Variants in TFCP2L1 observed in about 807,000 individuals in gnomAD.
TFCP2L1 encodes the protein transcription factor CP2-like protein 1.
Under a neutral mutation model 72.2 loss-of-function variants are expected in TFCP2L1, and 12 were observed. The observed-to-expected ratio is 0.17, with a 90% CI of 0.11 to 0.27. The LOEUF is 0.27. TFCP2L1 is among the 10% of genes least tolerant of loss of function. The pLI is 1.00. For missense variants in TFCP2L1, 488 were observed against 624.6 expected (o/e 0.78, Z 2.33); for synonymous variants, 260 against 251.0 (o/e 1.04, Z -0.34).
chr2:121,276,027 A>G (rs1687140253), intron 2 of TFCP2L1, among the ~76,000 whole-genome samples: 1 of 152,264 alleles, frequency 6.6e-6, no homozygotes, highest in African/African-American at 2.4e-5. Flanking sequence ...TCAGCAGCAC[A>G]GGACAAGTCT....
rs774085211 is a variant in TFCP2L1, at chr2:121,249,665, G to A, written c.215-18C>T. ...AGACTGACCTGGATGGGGGTTAAAA[G>A]GACATTTTCCATTTCTGAGTATTTC... On this transcript the variant is annotated intron_variant, in intron 2 of 14. Coordinates refer to ENST00000263707, the MANE Select transcript of TFCP2L1 (RefSeq NM_014553.3). The A allele has an allele frequency of 2.5e-6, 4 of 1,613,518 alleles. No individual in the cohort carries two copies. Among genetic ancestry groups the A allele is most frequent in the Non-Finnish European group, 3.4e-6 (4 of 1,179,448 alleles).
At chr2:121,274,061 T>G (rs1304304433) in intron 2 of TFCP2L1, among the ~76,000 whole-genome samples, 1 of 136,772 alleles carries the variant, frequency 7.3e-6, no homozygotes, top group East Asian at 2.1e-4. Flanking sequence ...ACCACTGCAA[T>G]CCAGCCTGGG....
intron 2 of TFCP2L1, among the ~76,000 whole-genome samples, chr2:121,265,478 C>A (rs1389083438): frequency 6.6e-6 from 1 of 151,746 alleles, no homozygotes; most frequent in African/African-American, 2.4e-5. Context: ...AATCATATCA[C>A]AATAAAGCTT....
At chr2:121,235,905 C>T (rs1686239699) in intron 10 of TFCP2L1, among the ~76,000 whole-genome samples, 2 of 152,046 alleles carry the variant, frequency 1.3e-5, no homozygotes, top group African/African-American at 4.8e-5. Context: ...GTAGGCCCCT[C>T]GTACCAGCCA....
Position 121,249,577 on chromosome 2 carries a change from A to G in TFCP2L1, c.285T>C (p.Tyr95=). The change falls in exon 3 of 15, where the codon TAT becomes TAC. Residue 95 remains tyrosine (Y), a synonymous_variant. Coordinates refer to ENST00000263707, the MANE Select transcript of TFCP2L1 (RefSeq NM_014553.3). Reference sequence around the variant, plus strand: ...AACAGCCTGTGAGGCTTACCTTGACATATTTTGTGTTCAGATCTTGAAAGT... The same window carrying G: ...AACAGCCTGTGAGGCTTACCTTGACGTATTTTGTGTTCAGATCTTGAAAGT... ...LGDFQDLNTK[Y]VKSIIRVVFH... 3.7e-6 allele frequency: 6 copies of G among 1,614,138 alleles called. No individual in the cohort carries two copies. Among genetic ancestry groups the G allele is most frequent in the African/African-American group, 2.7e-5 (2 of 75,018 alleles).
chr2:121,225,934 A>G (rs1366977528), intron 13 of TFCP2L1, among the ~76,000 whole-genome samples: 1 of 149,498 alleles, frequency 6.7e-6, no homozygotes, highest in Non-Finnish European at 1.5e-5. Context: ...CACCACTGCC[A>G]CGGTGTCTAC....
At chr2:121,225,174 C>T (rs1409658585) in intron 14 of TFCP2L1, among the ~76,000 whole-genome samples, 1 of 152,108 alleles carries the variant, frequency 6.6e-6, no homozygotes, top group Non-Finnish European at 1.5e-5. Context: ...ATGTTCTTGG[C>T]CCACAGGCTC....
rs1234523398 is a variant in TFCP2L1, at chr2:121,265,818, C to T, written c.214+15302G>A. Among the ~76,000 whole-genome samples, 5 of 151,652 alleles carry T rather than the reference C, an allele frequency of 3.3e-5. No individual in the cohort carries two copies. In the East Asian group the frequency reaches 5.9e-4, roughly 18 times the overall value. The stretch of plus-strand genomic sequence containing the variant: ...TCCTTTAAAACAAAACACAAAACAC[C>T]TTCCTCATTCAGAGCAGACTCTGTA... On this transcript the variant is annotated intron_variant, in intron 2 of 14. Coordinates refer to ENST00000263707, the MANE Select transcript of TFCP2L1 (RefSeq NM_014553.3).
chr2:121,246,842 G>A lies in TFCP2L1; in HGVS notation c.633C>T (p.Ala211=), dbSNP rs1161443989. ...CCTTGAACACCTTGATCTGGCAGCTGGCTGAGTGCAGGTGCTCCGTGTACT... is the reference window on the plus strand; with the variant it reads ...CCTTGAACACCTTGATCTGGCAGCTAGCTGAGTGCAGGTGCTCCGTGTACT... ...NGEYTEHLHS[A]SCQIKVFKPK... The change falls in exon 6 of 15, where the codon GCC becomes GCT. Residue 211 remains alanine (A), a synonymous_variant. Transcript: ENST00000263707. 1.9e-6 allele frequency: 3 copies of A among 1,614,206 alleles called. No homozygotes were observed. The highest frequency in any genetic ancestry group is 2.5e-6 in the Non-Finnish European group (3 of 1,180,026).
intron 2 of TFCP2L1, among the ~76,000 whole-genome samples, chr2:121,269,907 TA>T (rs398104671): frequency 0.015 from 1,131 of 77,602 alleles, 23 homozygotes; most frequent in Middle Eastern, 0.019. Flanking sequence ...AGACTCCATC[TA>T]AAAAAAAAAA....
chr2:121,239,181 C>T (rs1036064548), intron 8 of TFCP2L1, among the ~76,000 whole-genome samples: 6 of 152,170 alleles, frequency 3.9e-5, no homozygotes, highest in African/African-American at 9.6e-5. Context: ...CTCTCACCCC[C>T]ACACTCAGTG....
intron 2 of TFCP2L1, among the ~76,000 whole-genome samples, chr2:121,274,117 A>C (rs575087603): frequency 6.6e-6 from 1 of 152,176 alleles, no homozygotes; most frequent in Non-Finnish European, 1.5e-5. Flanking sequence ...AAAGAAAAAA[A>C]AAACCAATTG....
chr2:121,237,728 G>T lies in TFCP2L1; in HGVS notation c.910-12C>A, dbSNP rs1041318183. The T allele has an allele frequency of 3.1e-6, 5 of 1,614,064 alleles. No homozygotes were observed. Among genetic ancestry groups the T allele is most frequent in the Non-Finnish European group, 4.2e-6 (5 of 1,180,044 alleles). On this transcript the variant is annotated splice_polypyrimidine_tract_variant and intron_variant, in intron 9 of 14. Coordinates refer to ENST00000263707, the MANE Select transcript of TFCP2L1 (RefSeq NM_014553.3). ...GATGGGAGCAGGTGCTGTGAGCAGA[G>T]GGGAGAGGCCTTGAGATGGTGGCTC... is the stretch of plus-strand genomic sequence containing the variant.
Position 121,239,653 on chromosome 2 carries a change from C to T in TFCP2L1, c.769-4G>A. 2 of 1,613,330 alleles carry T rather than the reference C, an allele frequency of 1.2e-6. No individual in the cohort carries two copies. Among genetic ancestry groups the T allele is most frequent in the Non-Finnish European group, 1.7e-6 (2 of 1,179,578 alleles). On this transcript the variant is annotated splice_polypyrimidine_tract_variant and splice_region_variant and intron_variant, in intron 7 of 14. Transcript: ENST00000263707. ...CCACGTCGGGCCATGGAGAGCACTG[C>T]AGGAGAGAGCACAGGGCGAGCTGGG... is the stretch of plus-strand genomic sequence containing the variant.
At chr2:121,227,681 C>CAAATA (rs569152525) in intron 13 of TFCP2L1, among the ~76,000 whole-genome samples, 2,744 of 146,746 alleles carry the variant, frequency 0.019, 106 homozygotes, top group African/African-American at 0.064. Flanking sequence ...ACTCTGTCTC[C>CAAATA]AAATAAAATA....
At chr2:121,281,385 C>G in intron 1 of TFCP2L1, 114 bp from the exon 2 acceptor site, 2 of 1,228,344 alleles carry the variant, frequency 1.6e-6, no homozygotes, top group South Asian at 2.9e-5. Context: ...TGACACGGCA[C>G]GCGCATCGCA....
Position 121,260,708 on chromosome 2 carries a change from A to C in TFCP2L1, c.215-11061T>G, listed in dbSNP as rs560847470. On this transcript the variant is annotated intron_variant, in intron 2 of 14. Transcript: ENST00000263707. ...CTGCTGCAACCACAGCACTGCCCAG[A>C]GCAGGCTGCCCCTCTCCCAGTGGGC... Among the ~76,000 whole-genome samples, 4 of 152,330 alleles carry C rather than the reference A, an allele frequency of 2.6e-5. No homozygotes were observed. In the East Asian group the frequency reaches 7.7e-4, roughly 29 times the overall value.
rs1685893727 is a variant in TFCP2L1 at position 121,219,652 on chromosome 2, A to G, written c.*4689T>C. 6.6e-6 allele frequency: 1 copy of G among 152,244 alleles called. No individual in the cohort carries two copies. Among genetic ancestry groups the G allele is most frequent in the Admixed American group, 6.5e-5 (1 of 15,286 alleles). The allele number at this position is 152,244 out of a possible 1,614,324, so 9.4% of individuals were successfully genotyped here. ...TCAAAGATTTTTTATTTTCAAAAAG[A>G]CAGAGATGGAGTCTCACTACGATGC... is the stretch of plus-strand genomic sequence containing the variant. On this transcript the variant is annotated 3_prime_UTR_variant, in exon 15 of 15. Transcript: ENST00000263707.
intron 6 of TFCP2L1, among the ~76,000 whole-genome samples, chr2:121,245,521 C>G (rs1333263572): frequency 6.6e-6 from 1 of 152,228 alleles, no homozygotes; most frequent in Non-Finnish European, 1.5e-5. Context: ...CCAGCCACTT[C>G]TCCCTCCCAC....
Sources: allele counts gnomAD v4.1 joint callset (sites outside exome capture counted in the v4.1 genomes callset), GRCh38; gene constraint gnomAD v4.1.1; transcripts MANE v1.5; gene names NCBI Gene and HGNC (gene_info 2026-07-23, HGNC 2026-07-21).